Variants in PLEKHA5 observed in about 807,000 individuals in gnomAD.
PLEKHA5 encodes pleckstrin homology domain containing A5.
In PLEKHA5, 55 loss-of-function variants were observed where a neutral mutation model predicts 181.9. The ratio of observed to expected loss-of-function variants is 0.30; its 90% CI spans 0.24 to 0.38. The LOEUF (loss-of-function observed/expected upper bound fraction) is 0.38. PLEKHA5 is among the 10% of genes least tolerant of loss of function. The probability of loss-of-function intolerance (pLI) is 1.00; values close to 1 mark genes in which losing one functional copy is unlikely to be tolerated. For missense variants in PLEKHA5, 1,432 were observed against 1,549.5 expected, an observed-to-expected ratio of 0.92 and a Z score of 1.27; for synonymous variants, 535 against 529.4, an observed-to-expected ratio of 1.01 and a Z score of -0.15.
chr12:19,361,157 TAG>T (rs1299509371), intron 28 of PLEKHA5, among the ~76,000 whole-genome samples: 3 of 152,158 alleles, frequency 2.0e-5, no homozygotes, highest in Non-Finnish European at 4.4e-5. Flanking sequence ...AAATATTTGA[TAG>T]AGTGTGATTG....
chr12:19,330,600 T>C (rs1229175565), intron 20 of PLEKHA5, among the ~76,000 whole-genome samples: 1 of 98,980 alleles, frequency 1.0e-5, no homozygotes, highest in East Asian at 2.1e-4. Context: ...AAAAAACTCC[T>C]TAAATAATTA....
chr12:19,375,469 G>A (rs2095693862), intron 31 of PLEKHA5, 62 bp from the exon 32 acceptor site: 1 of 152,268 alleles, frequency 6.6e-6, no homozygotes, highest in African/African-American at 2.4e-5. Flanking sequence ...TAGTTACTTT[G>A]GGAAATGGTA....
rs1232366636 is a variant in PLEKHA5, at chr12:19,334,858, ATATATATATATC to A, written c.2449-1655_2449-1644del. Among the ~76,000 whole-genome samples, 49 of 65,644 alleles carry A rather than the reference ATATATATATATC, an allele frequency of 7.5e-4. 9 individuals are homozygous for A. Among genetic ancestry groups the A allele is most frequent in the Non-Finnish European group, 5.3e-4 (15 of 28,346 alleles). The allele number at this position is 65,644 out of a possible 152,430, so 43.1% of individuals were successfully genotyped here. On this transcript the variant is annotated intron_variant, in intron 20 of 31. Transcript: ENST00000429027. ...TATATATATATATATATATATATAT[ATATATATATATC>A]TCTGTATACGCACACACACACAAAA... is the stretch of plus-strand genomic sequence containing the variant.
Position 19,269,186 on chromosome 12 carries a change from G to A in PLEKHA5, c.712-584G>A, listed in dbSNP as rs529016675. Reference sequence around the variant, plus strand: ...GCAGATCACTTGAGGTCAGAAGTTCGAGACCAGCCTGGCCAACATGGCAAA... The same window carrying A: ...GCAGATCACTTGAGGTCAGAAGTTCAAGACCAGCCTGGCCAACATGGCAAA... On this transcript the variant is annotated intron_variant, in intron 8 of 31. Coordinates refer to ENST00000429027, the MANE Select transcript of PLEKHA5 (RefSeq NM_001256470.2). Among the ~76,000 whole-genome samples the A allele has an allele frequency of 8.0e-4, 122 of 152,110 alleles. 1 individual carries two copies. Among genetic ancestry groups the A allele is most frequent in the African/African-American group, 2.7e-3 (114 of 41,502 alleles).
intron 3 of PLEKHA5, among the ~76,000 whole-genome samples, chr12:19,216,958 C>T (rs2058084759): frequency 6.6e-6 from 1 of 152,134 alleles, no homozygotes; most frequent in African/African-American, 2.4e-5. Flanking sequence ...TTTCTCAATA[C>T]TGTAATTACT....
intron 3 of PLEKHA5, among the ~76,000 whole-genome samples, chr12:19,141,557 A>G (rs982892197): frequency 6.6e-6 from 1 of 152,238 alleles, no homozygotes; most frequent in Non-Finnish European, 1.5e-5. Context: ...AACTTCTGAG[A>G]AAAGAAGTAA....
intron 3 of PLEKHA5, among the ~76,000 whole-genome samples, chr12:19,135,360 A>C (rs2035304979): frequency 6.6e-6 from 1 of 152,228 alleles, no homozygotes; most frequent in East Asian, 1.9e-4. Context: ...CTCAGTCTTC[A>C]CGTCTTTAAA....
At chr12:19,347,289 C>G in intron 24 of PLEKHA5, 107 bp downstream of exon 24, 1 of 540,086 alleles carries the variant, frequency 1.9e-6, no homozygotes, top group Non-Finnish European at 3.0e-6. Context: ...ACCTTTATAA[C>G]CTCATTTTTG....
rs1297442232 is a variant in PLEKHA5, at chr12:19,257,930, TAC to T, written c.537+395_537+396del. On this transcript the variant is annotated intron_variant, in intron 6 of 31. Coordinates refer to ENST00000429027, the MANE Select transcript of PLEKHA5 (RefSeq NM_001256470.2). ...TGATATAAAAATTGTTAGAGAAATA[TAC>T]AGTTGTATATTTCCCCCCTTTATAC... Among the ~76,000 whole-genome samples, 7 of 152,136 alleles carry T rather than the reference TAC, an allele frequency of 4.6e-5. No homozygotes were observed. The East Asian group carries it at 1.4e-3, about 29-fold the overall frequency.
intron 15 of PLEKHA5, among the ~76,000 whole-genome samples, chr12:19,308,172 G>C (rs888996712): frequency 2.1e-5 from 3 of 139,894 alleles, no homozygotes; most frequent in African/African-American, 5.3e-5. Flanking sequence ...AAGGGAACTG[G>C]TGATTCACTA....
At chr12:19,276,697 C>A (rs934046347) in intron 11 of PLEKHA5, among the ~76,000 whole-genome samples, 1 of 152,148 alleles carries the variant, frequency 6.6e-6, no homozygotes, top group Non-Finnish European at 1.5e-5. Flanking sequence ...AAAAATGACA[C>A]CCTGCCTTTT....
intron 3 of PLEKHA5, among the ~76,000 whole-genome samples, chr12:19,231,448 G>T (rs2152384286): frequency 8.1e-6 from 1 of 123,624 alleles, no homozygotes; most frequent in African/African-American, 2.7e-5. Flanking sequence ...TGCAATTTTT[G>T]TCCATTTTAA....
At chr12:19,227,563 G>T (rs541827079) in intron 3 of PLEKHA5, among the ~76,000 whole-genome samples, 1 of 152,212 alleles carries the variant, frequency 6.6e-6, no homozygotes, top group African/African-American at 2.4e-5. Context: ...ATTAATTCAT[G>T]CTCTGAAATG....
At chr12:19,191,069 T>C (rs1267858669) in intron 3 of PLEKHA5, among the ~76,000 whole-genome samples, 1 of 152,192 alleles carries the variant, frequency 6.6e-6, no homozygotes, top group African/African-American at 2.4e-5. Flanking sequence ...GAAATAAATA[T>C]TATTGGATGA....
Position 19,278,901 on chromosome 12 carries a change from G to C in PLEKHA5, c.1313+3918G>C, listed in dbSNP as rs373672447. Reference sequence around the variant, plus strand: ...GTTCAATTTTGAACAACCTCTTTTTGAGTAGAGACATTGAAATCCTGAAGA... The same window carrying C: ...GTTCAATTTTGAACAACCTCTTTTTCAGTAGAGACATTGAAATCCTGAAGA... On this transcript the variant is annotated intron_variant, in intron 11 of 31. Transcript: ENST00000429027. Among the ~76,000 whole-genome samples the C allele has an allele frequency of 3.9e-5, 6 of 152,242 alleles. No individual in the cohort carries two copies. In the South Asian group the frequency reaches 1.2e-3, roughly 32 times the overall value.
chr12:19,234,887 T>G (rs2061179786), intron 3 of PLEKHA5, among the ~76,000 whole-genome samples: 1 of 152,198 alleles, frequency 6.6e-6, no homozygotes, highest in Non-Finnish European at 1.5e-5. Context: ...ATACAGTATT[T>G]ATAGGTTATG....
intron 7 of PLEKHA5, among the ~76,000 whole-genome samples, chr12:19,263,509 G>T (rs2069239251): frequency 6.6e-6 from 1 of 152,082 alleles, no homozygotes; most frequent in African/African-American, 2.4e-5. Flanking sequence ...AAAGCATCTA[G>T]TCTACTGACA....
chr12:19,314,769 G>T, intron 15 of PLEKHA5, 45 bp from the exon 16 acceptor site: 1 of 993,916 alleles, frequency 1.0e-6, no homozygotes, highest in Non-Finnish European at 1.6e-6. Context: ...ATCTAGCTAT[G>T]CTGTAAACTG....
intron 3 of PLEKHA5, among the ~76,000 whole-genome samples, chr12:19,225,505 C>T (rs534252951): frequency 2.0e-5 from 3 of 152,236 alleles, no homozygotes; most frequent in African/African-American, 2.4e-5. Context: ...TATTTTCCCT[C>T]GTTACATTAT....
Sources: gnomAD v4.1 joint callset for allele counts (sites outside exome capture counted in the v4.1 genomes callset) on GRCh38, gnomAD v4.1.1 for gene constraint, MANE v1.5 for transcripts, NCBI Gene and HGNC (gene_info 2026-07-23, HGNC 2026-07-21) for gene names.